TRRAP: variants seen among roughly 807,000 people sequenced by gnomAD.
The protein encoded by TRRAP is transformation/transcription domain associated protein.
TRRAP carries 41 observed loss-of-function variants against 438.8 expected under a neutral mutation model. That is an observed-to-expected ratio of 0.09 (90% CI 0.07 to 0.12). The LOEUF (loss-of-function observed/expected upper bound fraction) is 0.12. TRRAP is among the 10% of genes least tolerant of loss of function. The pLI, the probability that TRRAP is intolerant of heterozygous loss-of-function variation, is 1.00. For missense variants in TRRAP, 3,122 were observed against 5,055.1 expected, an observed-to-expected ratio of 0.62 and a Z score of 11.60; for synonymous variants, 1,994 against 1,962.9, an observed-to-expected ratio of 1.02 and a Z score of -0.42.
intron 4 of TRRAP, among the ~76,000 whole-genome samples, chr7:98,891,034 G>T (rs1554404776): frequency 6.6e-6 from 1 of 150,546 alleles, no homozygotes; most frequent in African/African-American, 2.4e-5. Context: ...GAGCTCAATA[G>T]ATCCTCCTTC....
chr7:99,006,208 T>C (rs1239643198), intron 69 of TRRAP, among the ~76,000 whole-genome samples: 1 of 152,198 alleles, frequency 6.6e-6, no homozygotes, highest in Non-Finnish European at 1.5e-5. Context: ...GAGAGCCACT[T>C]TGATGACTTT....
chr7:98,924,960 G>A (rs1279686178), intron 21 of TRRAP, 152 bp from the exon 22 acceptor site: 15 of 991,462 alleles, frequency 1.5e-5, no homozygotes, highest in East Asian at 6.1e-5. Context: ...CCTGAGATAC[G>A]CGCCACTGCA....
intron 69 of TRRAP, 46 bp from the exon 70 acceptor site, chr7:99,008,331 C>T (rs1364882388): frequency 6.3e-7 from 1 of 1,583,522 alleles, no homozygotes; most frequent in Non-Finnish European, 8.6e-7. Flanking sequence ...GAGCACTGGC[C>T]CGCGGTCACC....
Position 98,931,718 on chromosome 7 carries a change from T to A in TRRAP, c.3852+53T>A, listed in dbSNP as rs529128501. ...TAATTTCAACAAAACTTTTGAGCCT[T>A]TTTTTTAAATTTGAGTTGAGGTGAT... On this transcript the variant is annotated intron_variant, in intron 26 of 72. Transcript: ENST00000456197. The A allele has an allele frequency of 1.1e-5, 18 of 1,579,660 alleles. No homozygotes were observed. The East Asian group carries it at 4.0e-4, about 36-fold the overall frequency.
At chr7:98,881,445 G>A (rs1420988781) in intron 2 of TRRAP, among the ~76,000 whole-genome samples, 195 bp downstream of exon 2, 1 of 151,922 alleles carries the variant, frequency 6.6e-6, no homozygotes, top group African/African-American at 2.4e-5. Flanking sequence ...GGTGGCTCAC[G>A]CCTGTAGTCC....
At chr7:98,983,167 CT>C (rs1793006375) in intron 59 of TRRAP, 96 bp from the exon 60 acceptor site, 1 of 1,167,188 alleles carries the variant, frequency 8.6e-7, no homozygotes, top group Non-Finnish European at 1.2e-6. Context: ...ATCATAAGAT[CT>C]TTGCGATAAT....
At chr7:98,973,733 G>A (rs1015718760) in intron 53 of TRRAP, among the ~76,000 whole-genome samples, 3 of 152,164 alleles carry the variant, frequency 2.0e-5, no homozygotes, top group Non-Finnish European at 4.4e-5. Flanking sequence ...AGCTGCAGAC[G>A]TCAGCCATAC....
At chr7:98,924,474 C>T (rs1337383694) in intron 21 of TRRAP, among the ~76,000 whole-genome samples, 1 of 152,078 alleles carries the variant, frequency 6.6e-6, no homozygotes, top group Non-Finnish European at 1.5e-5. Context: ...TAAGATTCTT[C>T]TGGGTGATTG....
intron 12 of TRRAP, among the ~76,000 whole-genome samples, 169 bp from the exon 13 acceptor site, chr7:98,906,008 A>G (rs531608872): frequency 5.1e-4 from 77 of 152,210 alleles, no homozygotes; most frequent in Non-Finnish European, 4.4e-4. Flanking sequence ...CAGAGCTGCT[A>G]TGTTAGACTG....
At chr7:98,942,904 T>G in intron 30 of TRRAP, 45 bp from the exon 31 acceptor site, 1 of 1,602,008 alleles carries the variant, frequency 6.2e-7, no homozygotes, top group Non-Finnish European at 8.6e-7. Flanking sequence ...ACCAGTGGAA[T>G]GCACCTACTG....
In TRRAP at chr7:98,903,504, A is replaced by T. The variant is rs1202603610; in HGVS notation, c.1023A>T (p.Thr341=). 1.2e-6 allele frequency: 2 copies of T among 1,614,048 alleles called. No homozygotes were observed. The highest frequency in any genetic ancestry group is 2.7e-5 in the African/African-American group (2 of 74,928). ...LLIAAKHILT[T]ELRNQFIPCM... is the part of the protein sequence containing the mutation. ...TTGCTGCCAAACACATCCTCACCAC[A>T]GAGCTGAGAAACCGTACGTCCAGCC... is the stretch of plus-strand genomic sequence containing the variant. The change falls in exon 12 of 73, where the codon ACA becomes ACT. Residue 341 remains threonine (T), a synonymous_variant. Coordinates refer to ENST00000456197, the MANE Select transcript of TRRAP (RefSeq NM_001375524.1).
chr7:98,920,503 C>T (rs556221787), intron 20 of TRRAP, among the ~76,000 whole-genome samples: 16 of 151,684 alleles, frequency 1.1e-4, no homozygotes, highest in Non-Finnish European at 2.2e-4. Flanking sequence ...AATAGACTTA[C>T]ATAGTGACCT....
chr7:98,955,003 T>C (rs1791530825), intron 40 of TRRAP, 95 bp from the exon 41 acceptor site: 1 of 1,334,836 alleles, frequency 7.5e-7, no homozygotes, highest in Non-Finnish European at 1.0e-6. Flanking sequence ...AAAAATTGTT[T>C]TGGAAAAGTA....
chr7:98,990,350 G>T, intron 63 of TRRAP, 105 bp from the exon 64 acceptor site: 1 of 1,190,798 alleles, frequency 8.4e-7, no homozygotes, highest in Non-Finnish European at 1.1e-6. Flanking sequence ...TTTTTACATG[G>T]CCAGTAAAGC....
At chr7:98,913,393 A>G (rs1364260651) in intron 18 of TRRAP, among the ~76,000 whole-genome samples, 3 of 151,880 alleles carry the variant, frequency 2.0e-5, no homozygotes, top group Non-Finnish European at 2.9e-5. Context: ...GGGTCAAGCA[A>G]TTCTCCTGCC....
chr7:98,975,768 T>C (rs561646276), intron 53 of TRRAP, among the ~76,000 whole-genome samples: 2 of 152,378 alleles, frequency 1.3e-5, no homozygotes, highest in East Asian at 1.9e-4. Flanking sequence ...TGTTTTCACT[T>C]TCCTATTTTC....
chr7:98,892,400 CATTT>C lies in TRRAP; in HGVS notation c.262-15_262-12del, dbSNP rs1796017466. The C allele has an allele frequency of 1.3e-6, 2 of 1,572,870 alleles. No individual in the cohort carries two copies. Among genetic ancestry groups the C allele is most frequent in the Non-Finnish European group, 1.7e-6 (2 of 1,144,560 alleles). ...ACCCTTGGAAGTATTTTTATCCTTA[CATTT>C]ATTTATTTTTTCTTGCCAGCAACTG... is the stretch of plus-strand genomic sequence containing the variant. On this transcript the variant is annotated intron_variant, in intron 4 of 72. Transcript: ENST00000456197.
rs144360806 is a variant in TRRAP at position 99,010,843 on chromosome 7, G to A, written c.10939-209G>A. On this transcript the variant is annotated intron_variant, in intron 70 of 72. Transcript: ENST00000456197. ...GCAGACCAGCCGCATTGGTGCTTTA[G>A]AGCAGACAGTGGCGAACCCTGGAGG... is the stretch of plus-strand genomic sequence containing the variant. 7.2e-5 allele frequency among the ~76,000 whole-genome samples: 11 copies of A among 152,320 alleles called. 1 individual carries two copies. The East Asian group carries it at 2.1e-3, about 29-fold the overall frequency.
intron 50 of TRRAP, 124 bp from the exon 51 acceptor site, chr7:98,967,361 T>C (rs556049299): frequency 1.5e-6 from 2 of 1,306,028 alleles, no homozygotes; most frequent in South Asian, 2.7e-5. Context: ...CCACGATTTA[T>C]AACATACTCT....
Sources: allele counts gnomAD v4.1 joint callset (sites outside exome capture counted in the v4.1 genomes callset), GRCh38; gene constraint gnomAD v4.1.1; transcripts MANE v1.5; gene names NCBI Gene and HGNC (gene_info 2026-07-23, HGNC 2026-07-21).